PASK: variants seen among roughly 807,000 people sequenced by gnomAD.
PASK encodes PAS domain containing serine/threonine kinase.
A neutral mutation model predicts 121.0 loss-of-function variants in PASK; 110 were observed. The ratio of observed to expected loss-of-function variants is 0.91; its 90% CI spans 0.78 to 1.06. The LOEUF (loss-of-function observed/expected upper bound fraction) is 1.06. Ranked by LOEUF, PASK falls within the 50% of genes least tolerant of loss-of-function variation. The pLI is 0.00. For synonymous variants in PASK, 686 were observed against 717.8 expected (o/e 0.96, Z 0.71); for missense variants, 1,643 against 1,702.3 (o/e 0.97, Z 0.61).
Position 241,112,705 on chromosome 2 carries a change from C to A in PASK, c.3334-266G>T. 1 of 429,086 alleles carries A rather than the reference C, an allele frequency of 2.3e-6. No individual in the cohort carries two copies. The highest frequency in any genetic ancestry group is 4.3e-6 in the Non-Finnish European group (1 of 234,568). The allele number at this position is 429,086 out of a possible 1,614,324, so 26.6% of individuals were successfully genotyped here. ...TGAGACTCGTGAGTTCTGTTTGCTG[C>A]TGAGAAAAGCTTCCCAGCAGACACT... On this transcript the variant is annotated intron_variant, in intron 14 of 17. Coordinates refer to ENST00000234040, the MANE Select transcript of PASK (RefSeq NM_015148.4). This position sits in a 1 kb window ranked among gnomAD's most constrained non-coding sequence, Gnocchi z 5.2.
rs1337439842 is a variant in PASK at position 241,137,261 on chromosome 2, G to A, written c.880C>T (p.Leu294Phe). 1.2e-6 allele frequency: 2 copies of A among 1,613,040 alleles called. No individual in the cohort carries two copies. Among genetic ancestry groups the A allele is most frequent in the African/African-American group, 1.3e-5 (1 of 74,926 alleles). ...CTTCCAACAGACCTCTGAATCTTGA[G>A]ATTCTGAAAGAAAGGCTTGTCGTTT... ...PPSGQHIPKN[L>F]KIQRSVGRAR... Residue 294 changes from leucine (L) to phenylalanine (F), a missense_variant, in exon 7 of 18, where the codon CTC becomes TTC. Coordinates refer to ENST00000234040, the MANE Select transcript of PASK (RefSeq NM_015148.4).
intron 1 of PASK, among the ~76,000 whole-genome samples, chr2:241,148,254 A>G (rs928491378): frequency 2.0e-5 from 3 of 152,118 alleles, no homozygotes; most frequent in Non-Finnish European, 2.9e-5. Flanking sequence ...ACCAAACAGA[A>G]GCAAGGACAA....
chr2:241,136,034 G>T lies in PASK; in HGVS notation c.1143C>A (p.Ile381=). The T allele has an allele frequency of 6.2e-7, 1 of 1,613,700 alleles. No individual in the cohort carries two copies. Among genetic ancestry groups the T allele is most frequent in the South Asian group, 1.1e-5 (1 of 91,060 alleles). The part of the protein sequence containing the change: ...YGKTELLGKN[I]TFLIPGFYSY... ...TGTAGAAACCAGGAATCAGGAAAGTGATATTCTAGAAAACAAAGCAGGGAC... is the reference window on the plus strand; with the variant it reads ...TGTAGAAACCAGGAATCAGGAAAGTTATATTCTAGAAAACAAAGCAGGGAC... Residue 381 remains isoleucine, a synonymous_variant, in exon 8 of 18, where the codon ATC becomes ATA. Coordinates refer to ENST00000234040, the MANE Select transcript of PASK (RefSeq NM_015148.4).
intron 6 of PASK, 92 bp downstream of exon 6, chr2:241,137,861 G>T: frequency 7.0e-7 from 1 of 1,423,746 alleles, no homozygotes; most frequent in Non-Finnish European, 9.9e-7. Context: ...GGCCACCCTT[G>T]CCTTCAGAAA....
chr2:241,131,204 A>G (rs950792273), intron 9 of PASK, among the ~76,000 whole-genome samples: 1 of 149,702 alleles, frequency 6.7e-6, no homozygotes, highest in Non-Finnish European at 1.5e-5. Context: ...GCTGGAGTGC[A>G]GTGGCGCGAT....
intron 8 of PASK, among the ~76,000 whole-genome samples, chr2:241,135,158 G>A (rs1159095346): frequency 6.6e-6 from 1 of 152,234 alleles, no homozygotes; most frequent in African/African-American, 2.4e-5. Context: ...ACCTAAGACT[G>A]TGCATATGAA....
Position 241,138,538 on chromosome 2 carries a change from G to A in PASK, c.741+116C>T, listed in dbSNP as rs2066551152. The A allele has an allele frequency of 3.2e-6, 4 of 1,268,530 alleles. No homozygotes were observed. In the Admixed American group the frequency reaches 6.8e-5, roughly 22 times the overall value. The allele number at this position is 1,268,530 out of a possible 1,614,324, so 78.6% of individuals were successfully genotyped here. A position where few individuals can be genotyped will look rare whatever the true frequency, so the allele number is the denominator to read the frequency against. On this transcript the variant is annotated intron_variant, in intron 5 of 17. Transcript: ENST00000234040. ...AGGGTACCACTGGGCAGACCCTCCA[G>A]GCTCCTCATCCTCTCTTTCTTCCCA...
At chr2:241,118,724 T>G (rs1000563685) in intron 12 of PASK, 2 of 219,118 alleles carry the variant, frequency 9.1e-6, no homozygotes, top group Admixed American at 1.0e-4. Flanking sequence ...TGCTTCCCAG[T>G]CTTCAGGAGC....
intron 10 of PASK, among the ~76,000 whole-genome samples, chr2:241,125,583 G>C (rs1345638322): frequency 7.9e-5 from 11 of 138,386 alleles, no homozygotes; most frequent in African/African-American, 3.0e-4. Context: ...CTGGGCAACA[G>C]AGAGAGACTC....
rs111270674 is a variant in PASK, at chr2:241,126,448, T to C, written c.2467A>G (p.Thr823Ala). 8.1e-6 allele frequency: 13 copies of C among 1,614,088 alleles called. No homozygotes were observed. The highest frequency in any genetic ancestry group is 1.1e-5 in the Non-Finnish European group (13 of 1,180,052). Residue 823 changes from threonine to alanine, a missense_variant, in exon 10 of 18, where the codon ACA becomes GCA. Around this residue, in one of 3 missense-constraint regions of PASK, gnomAD observed 1,176 missense variants for 1,162.2 expected, o/e 1.01. Transcript: ENST00000234040. ...FRESCVGHDP[T>A]EPLEVCLVSS... ...ACCAAACAAACCTCAAGCGGTTCTG[T>C]TGGATCATGTCCCACACAGCTCTCC...
In PASK at chr2:241,107,499, T is replaced by C; in HGVS notation, c.3668A>G (p.Glu1223Gly). 6.2e-7 allele frequency: 1 copy of C among 1,613,930 alleles called. No homozygotes were observed. The highest frequency in any genetic ancestry group is 8.5e-7 in the Non-Finnish European group (1 of 1,179,892). Reference protein sequence around the residue: ...AIHPPYLVSKELMSLVSGLLQ... With the variant: ...AIHPPYLVSKGLMSLVSGLLQ... ...CAGCCCAGACACAAGGCTCATGAGT[T>C]CTGGGGACACAAAGAACACAGATGG... Residue 1223 changes from glutamate to glycine, a missense_variant and splice_region_variant, in exon 17 of 18, where the codon GAA becomes GGA. Glu to Gly is a moderately conservative substitution (Grantham distance 98). Transcript: ENST00000234040.
chr2:241,140,676 C>G lies in PASK; in HGVS notation c.274G>C (p.Ala92Pro), dbSNP rs146184812. Residue 92 changes from alanine (A) to proline (P), a missense_variant, in exon 3 of 18, where the codon GCC becomes CCC. By Grantham distance (27) the Ala-to-Pro change is conservative (BLOSUM62 -1). Transcript: ENST00000234040. ...ICTSKLHCPA[A>P]PEHTDPSEPR... ...TCGGACGGGTCCGTGTGCTCAGGGGCAGCAGGGCAGTGCAGTTTACTTGTA... is the reference window on the plus strand; with the variant it reads ...TCGGACGGGTCCGTGTGCTCAGGGGGAGCAGGGCAGTGCAGTTTACTTGTA... 1.1e-4 allele frequency: 172 copies of G among 1,614,128 alleles called. 1 individual carries two copies. In the African/African-American group the frequency reaches 2.0e-3, roughly 19 times the overall value.
Position 241,127,104 on chromosome 2 carries a change from C to G in PASK, c.1811G>C (p.Gly604Ala). The change falls in exon 10 of 18, where the codon GGC becomes GCC. Residue 604 changes from glycine (G) to alanine (A), a missense_variant. Coordinates refer to ENST00000234040, the MANE Select transcript of PASK (RefSeq NM_015148.4). ...KPQAKGQLAG[G>A]SLLMHCPCYG... ...GCAAGGGCAGTGCATCAGGAGGCTG[C>G]CCCCCGCCAGCTGACCCTTGGCCTG... is the stretch of plus-strand genomic sequence containing the variant. 1 of 1,613,858 alleles carries G rather than the reference C, an allele frequency of 6.2e-7. No homozygotes were observed.
intron 1 of PASK, among the ~76,000 whole-genome samples, chr2:241,146,909 T>C (rs563268688): frequency 6.6e-5 from 10 of 152,210 alleles, no homozygotes; most frequent in Non-Finnish European, 1.5e-4. Context: ...AATAAACTGA[T>C]ACGGCCAAAA....
chr2:241,132,889 G>T lies in PASK; in HGVS notation c.1448C>A (p.Pro483His). ...AGGGACTTACCCTGGAGCAGGCTGA[G>T]GTGAGAGGCAGGAAAGGAGCTGGCC... ...AGGQLLSCLS[P>H]QPAPGVDNVP... The change falls in exon 9 of 18, where the codon CCT becomes CAT. Residue 483 changes from proline to histidine, a missense_variant. This residue lies in a region of PASK where 1,176 missense variants were observed against 1,162.2 expected (regional missense o/e 1.01). Coordinates refer to ENST00000234040, the MANE Select transcript of PASK (RefSeq NM_015148.4). 1 of 1,614,038 alleles carries T rather than the reference G, an allele frequency of 6.2e-7. No homozygotes were observed. Among genetic ancestry groups the T allele is most frequent in the Non-Finnish European group, 8.5e-7 (1 of 1,179,886 alleles).
At chr2:241,120,382 A>G (rs1036183781) in intron 12 of PASK, among the ~76,000 whole-genome samples, 5 of 152,234 alleles carry the variant, frequency 3.3e-5, no homozygotes, top group East Asian at 3.9e-4. Flanking sequence ...GATCCCAGCT[A>G]CTCAGGAGGC....
intron 4 of PASK, 63 bp downstream of exon 4, chr2:241,139,822 C>A: frequency 6.7e-7 from 1 of 1,485,682 alleles, no homozygotes; most frequent in Admixed American, 1.7e-5. Context: ...GAACACTGAG[C>A]TGTTCCTGCC....
rs772720602 is a variant in PASK, at chr2:241,126,680, T to A, written c.2235A>T (p.Glu745Asp). 5 of 1,613,692 alleles carry A rather than the reference T, an allele frequency of 3.1e-6. No individual in the cohort carries two copies. In the East Asian group the frequency reaches 1.1e-4, roughly 36 times the overall value. The change falls in exon 10 of 18, where the codon GAA becomes GAT. Residue 745 changes from glutamate to aspartate, a missense_variant. Glu to Asp is a conservative substitution (Grantham distance 45). Transcript: ENST00000234040. The part of the protein sequence containing the change: ...DVNSFSWNLK[E>D]LFFSDQTDQT... ...GGTCTGTCTGGTCACTGAAAAAGAG[T>A]TCCTTGAGGTTCCAGGAAAACGAAT...
Position 241,140,024 on chromosome 2 carries a change from A to T in PASK, c.461T>A (p.Leu154His), listed in dbSNP as rs1414962258. 1 of 1,614,018 alleles carries T rather than the reference A, an allele frequency of 6.2e-7. No individual in the cohort carries two copies. The highest frequency in any genetic ancestry group is 8.5e-7 in the Non-Finnish European group (1 of 1,179,990). The change falls in exon 4 of 18, where the codon CTC becomes CAC. Residue 154 changes from leucine (L) to histidine (H), a missense_variant. This residue lies in a region of PASK where 1,176 missense variants were observed against 1,162.2 expected (regional missense o/e 1.01). Coordinates refer to ENST00000234040, the MANE Select transcript of PASK (RefSeq NM_015148.4). ...ILVANDKACG[L>H]LGYSSQDLIG... is the part of the protein sequence containing the mutation. ...CAGGTCCTGGCTGCTGTACCCCAGG[A>T]GCCCGCAAGCTTTGTCGTTAGCAAC...
Sources: gnomAD v4.1 joint callset for allele counts (sites outside exome capture counted in the v4.1 genomes callset) on GRCh38, gnomAD v4.1.1 for gene constraint, gnomAD v4.1.1 regional missense constraint, Gnocchi (gnomAD v3.1) non-coding constraint, MANE v1.5 for transcripts, NCBI Gene and HGNC (gene_info 2026-07-23, HGNC 2026-07-21) for gene names.